The following ATRNL1 variants were observed in gnomAD, a reference collection of about 807,000 sequenced individuals.
ATRNL1 encodes the protein attractin-like protein 1.
Under a neutral mutation model 182.7 loss-of-function variants are expected in ATRNL1, and 95 were observed. The observed-to-expected ratio is 0.52, with a 90% CI of 0.44 to 0.62. The LOEUF is 0.62. Ranked by LOEUF, ATRNL1 falls within the 20% of genes least tolerant of loss-of-function variation. ATRNL1 has a pLI of 0.00. For missense variants in ATRNL1, 1,471 were observed against 1,679.5 expected (o/e 0.88, Z 2.17); for synonymous variants, 576 against 568.3 (o/e 1.01, Z -0.19).
chr10:115,725,548 A>G (rs572163849), intron 26 of ATRNL1, among the ~76,000 whole-genome samples: 2 of 152,290 alleles, frequency 1.3e-5, no homozygotes, highest in South Asian at 4.1e-4. Flanking sequence ...ACAAATACAA[A>G]TGGAGATAAT....
In ATRNL1 at chr10:115,862,180, A is replaced by G. The variant is rs1555103647; in HGVS notation, c.4018+14189A>G. 2.0e-5 allele frequency among the ~76,000 whole-genome samples: 3 copies of G among 152,212 alleles called. No homozygotes were observed. In the South Asian group the frequency reaches 6.2e-4, roughly 32 times the overall value. The stretch of plus-strand genomic sequence containing the variant: ...TGTTCTTTAAGACTGAAATTTTTCA[A>G]GCACTTTGAAAGTCTCTTTTTAAAG... On this transcript the variant is annotated intron_variant, in intron 28 of 28. Transcript: ENST00000355044.
At chr10:115,563,631 A>T (rs1853894638) in intron 26 of ATRNL1, among the ~76,000 whole-genome samples, 1 of 152,194 alleles carries the variant, frequency 6.6e-6, no homozygotes, top group African/African-American at 2.4e-5. Context: ...TTGTGATTTG[A>T]ACATAGTTAT....
chr10:115,792,804 C>T (rs145336894), intron 27 of ATRNL1, among the ~76,000 whole-genome samples: 1 of 151,884 alleles, frequency 6.6e-6, no homozygotes, highest in African/African-American at 2.4e-5. Context: ...ATCCTCTGCT[C>T]AATACGGTTA....
intron 6 of ATRNL1, among the ~76,000 whole-genome samples, chr10:115,164,943 G>A (rs1283765543): frequency 6.6e-6 from 1 of 151,952 alleles, no homozygotes; most frequent in East Asian, 1.9e-4. Context: ...ACAATTTATT[G>A]TATATTTCAA....
chr10:115,722,896 C>T (rs571816253), intron 26 of ATRNL1, among the ~76,000 whole-genome samples: 40 of 152,218 alleles, frequency 2.6e-4, no homozygotes, highest in Middle Eastern at 3.4e-3. Context: ...AAGGAGAAGA[C>T]ATAAATTCTA....
rs936319452 is a variant in ATRNL1, at chr10:115,160,073, A to C, written c.863A>C (p.Glu288Ala). Residue 288 changes from glutamate to alanine, a missense_variant, in exon 6 of 29, where the codon GAG (glutamate) becomes GCG (alanine). Physicochemically the swap from Glu to Ala is moderately radical, Grantham distance 107 (BLOSUM62 -1). Transcript: ENST00000355044. ...TGTTCTTTGAATGTTCCCTCTACTG[A>C]GTCTTACTGGATTCTGCCAAACGTT... The part of the protein sequence containing the change: ...PDCSLNVPST[E>A]SYWILPNVKP... 19 of 1,610,666 alleles carry C rather than the reference A, an allele frequency of 1.2e-5. No individual in the cohort carries two copies. Among genetic ancestry groups the C allele is most frequent in the Middle Eastern group, 1.6e-4 (1 of 6,076 alleles).
chr10:115,498,576 C>G (rs1554979116), intron 24 of ATRNL1, among the ~76,000 whole-genome samples: 2 of 151,942 alleles, frequency 1.3e-5, no homozygotes, highest in African/African-American at 4.8e-5. Context: ...GAAAGCACCT[C>G]ACTGTTACTA....
intron 20 of ATRNL1, among the ~76,000 whole-genome samples, chr10:115,414,195 C>A (rs1455993315): frequency 2.6e-5 from 4 of 151,936 alleles, no homozygotes; most frequent in African/African-American, 9.7e-5. Flanking sequence ...AGTAAGAAAA[C>A]CTACATAAAA....
intron 26 of ATRNL1, among the ~76,000 whole-genome samples, chr10:115,552,302 G>A (rs987184495): frequency 6.6e-6 from 1 of 151,208 alleles, no homozygotes; most frequent in Non-Finnish European, 1.5e-5. Context: ...TAGATTAACT[G>A]TAATATTTCC....
intron 26 of ATRNL1, among the ~76,000 whole-genome samples, chr10:115,682,192 G>A (rs1429167538): frequency 6.6e-6 from 1 of 151,358 alleles, no homozygotes; most frequent in Non-Finnish European, 1.5e-5. Flanking sequence ...TGTGAATTTA[G>A]GCAAATTGCC....
At chr10:115,289,736 G>T (rs4400712) in intron 15 of ATRNL1, among the ~76,000 whole-genome samples, 137,663 of 152,214 alleles carry the variant, frequency 0.9, 63,800 homozygotes, top group East Asian at 1. Flanking sequence ...TCTTCAACTG[G>T]TGTATGTTTA....
At chr10:115,794,976 C>A (rs1184390177) in intron 27 of ATRNL1, among the ~76,000 whole-genome samples, 1 of 152,074 alleles carries the variant, frequency 6.6e-6, no homozygotes, top group Non-Finnish European at 1.5e-5. Context: ...CTGAGAGGCC[C>A]CTTTAAGATG....
At chr10:115,626,379 A>T (rs1457338443) in intron 26 of ATRNL1, among the ~76,000 whole-genome samples, 2 of 152,180 alleles carry the variant, frequency 1.3e-5, no homozygotes, top group Non-Finnish European at 2.9e-5. Flanking sequence ...GGTAATCATC[A>T]TACTTAGAGG....
intron 3 of ATRNL1, among the ~76,000 whole-genome samples, chr10:115,124,139 G>A (rs12269283): frequency 0.025 from 3,775 of 152,090 alleles, 156 homozygotes; most frequent in African/African-American, 0.086. Flanking sequence ...CCATGAAACT[G>A]GTCTCTGGTT....
intron 26 of ATRNL1, among the ~76,000 whole-genome samples, chr10:115,583,738 T>C (rs1175268733): frequency 6.6e-6 from 1 of 150,570 alleles, no homozygotes; most frequent in East Asian, 2.0e-4. Flanking sequence ...TGAATACCCT[T>C]TATTTCCTTC....
At chr10:115,410,459 C>T (rs1845079672) in intron 20 of ATRNL1, among the ~76,000 whole-genome samples, 1 of 151,192 alleles carries the variant, frequency 6.6e-6, no homozygotes, top group African/African-American at 2.4e-5. Flanking sequence ...GTAGCTGGGA[C>T]TACAGGTGTG....
intron 26 of ATRNL1, among the ~76,000 whole-genome samples, chr10:115,716,179 G>A (rs575233815): frequency 6.5e-4 from 99 of 152,042 alleles, no homozygotes; most frequent in African/African-American, 2.3e-3. Context: ...GATTATTATA[G>A]GTATCTTCCA....
chr10:115,652,308 G>A (rs2420097), intron 26 of ATRNL1, among the ~76,000 whole-genome samples: 75,424 of 151,406 alleles, frequency 0.5, 19,651 homozygotes, highest in East Asian at 0.84. Context: ...TTCTCATTAT[G>A]TTTGAGATGA....
At chr10:115,551,535 CT>C (rs1161022636) in intron 26 of ATRNL1, among the ~76,000 whole-genome samples, 1 of 151,278 alleles carries the variant, frequency 6.6e-6, no homozygotes, top group Non-Finnish European at 1.5e-5. Context: ...CCAGGTAGTG[CT>C]TCTTTCTATT....
Sources: allele counts gnomAD v4.1 joint callset (sites outside exome capture counted in the v4.1 genomes callset), GRCh38; gene constraint gnomAD v4.1.1; transcripts MANE v1.5; gene names NCBI Gene and HGNC (gene_info 2026-07-23, HGNC 2026-07-21).